The following NEK9 variants were observed in gnomAD, a reference collection of about 807,000 sequenced individuals.
The protein encoded by NEK9 is NIMA related kinase 9.
In NEK9, 75 loss-of-function variants were observed where a neutral mutation model predicts 123.4. The observed-to-expected ratio is 0.61, with a 90% CI of 0.50 to 0.74. NEK9 has a LOEUF of 0.74. Ranked by LOEUF, NEK9 falls within the 30% of genes least tolerant of loss-of-function variation. NEK9 has a pLI of 0.00. For missense variants in NEK9, 952 were observed against 1,214.4 expected (o/e 0.78, Z 3.21); for synonymous variants, 438 against 458.7 (o/e 0.95, Z 0.58).
chr14:75,105,890 T>C (rs1251230466), intron 13 of NEK9, 60 bp downstream of exon 13: 4 of 1,279,694 alleles, frequency 3.1e-6, no homozygotes, highest in African/African-American at 2.9e-5. Context: ...AAAGAGGACA[T>C]ATTATTGGAG....
intron 10 of NEK9, among the ~76,000 whole-genome samples, chr14:75,109,352 C>T (rs894069783): frequency 2.0e-5 from 3 of 152,186 alleles, no homozygotes; most frequent in African/African-American, 7.2e-5. Context: ...TTGCTCTGAA[C>T]CTCATGGTAA....
chr14:75,083,543 C>T lies in NEK9; in HGVS notation c.*1021G>A, dbSNP rs1344562798. On this transcript the variant is annotated 3_prime_UTR_variant, in exon 22 of 22. Transcript: ENST00000238616. ...GTTACCACATGGCTTCATAAAACAC[C>T]AAAAGGGGAAAAATACTGACTAGAC... 1 of 153,634 alleles carries T rather than the reference C, an allele frequency of 6.5e-6. No individual in the cohort carries two copies. The highest frequency in any genetic ancestry group is 2.4e-5 in the African/African-American group (1 of 41,432). The allele number at this position is 153,634 out of a possible 1,614,324, so 9.5% of individuals were successfully genotyped here.
Position 75,097,275 on chromosome 14 carries a change from GA to G in NEK9, c.2003-6del. On this transcript the variant is annotated splice_region_variant and splice_polypyrimidine_tract_variant and intron_variant, in intron 16 of 21. Transcript: ENST00000238616. ...CCCAGGCAAAAATGTGATTATCTAG[GA>G]AAAAAGTTAAACAGTAGACCATTTA... 6.3e-7 allele frequency: 1 copy of G among 1,588,640 alleles called. No individual in the cohort carries two copies. The highest frequency in any genetic ancestry group is 8.6e-7 in the Non-Finnish European group (1 of 1,168,266).
Position 75,113,323 on chromosome 14 carries a change from C to A in NEK9, c.938+16G>T. ...TATCTCAGAAAAGACAATGGAGTGA[C>A]TTCTTCATAATTTACCTCCTGCGTT... On this transcript the variant is annotated intron_variant, in intron 8 of 21. Transcript: ENST00000238616. 6.2e-7 allele frequency: 1 copy of A among 1,600,872 alleles called. No individual in the cohort carries two copies. Among genetic ancestry groups the A allele is most frequent in the East Asian group, 2.2e-5 (1 of 44,796 alleles).
chr14:75,114,570 G>T (rs573365352), intron 6 of NEK9, among the ~76,000 whole-genome samples: 1 of 152,232 alleles, frequency 6.6e-6, no homozygotes, highest in Non-Finnish European at 1.5e-5. Flanking sequence ...ATTATAATCT[G>T]ACCTTTCAAC....
Position 75,101,642 on chromosome 14 carries a change from T to C in NEK9, c.1840+15A>G, listed in dbSNP as rs1222412081. 1 of 1,571,788 alleles carries C rather than the reference T, an allele frequency of 6.4e-7. No individual in the cohort carries two copies. The highest frequency in any genetic ancestry group is 1.1e-5 in the South Asian group (1 of 90,060). On this transcript the variant is annotated intron_variant, in intron 15 of 21. Transcript: ENST00000238616. The stretch of plus-strand genomic sequence containing the variant: ...CAGCTACTAAGGCATGTGATACAGT[T>C]GTAAATCAACTTACCATCAATAGCA...
At chr14:75,113,853 A>G (rs954731690) in intron 7 of NEK9, among the ~76,000 whole-genome samples, 2 of 152,188 alleles carry the variant, frequency 1.3e-5, no homozygotes, top group African/African-American at 4.8e-5. Context: ...GGGAACCATG[A>G]GATATGAGAA....
intron 8 of NEK9, among the ~76,000 whole-genome samples, chr14:75,112,728 G>C (rs1288784162): frequency 6.6e-6 from 1 of 152,156 alleles, no homozygotes; most frequent in African/African-American, 2.4e-5. Context: ...AGGCTGAGGT[G>C]TGAGAATCAC....
chr14:75,094,784 AAAAT>A (rs1441351757), intron 18 of NEK9, among the ~76,000 whole-genome samples: 1 of 152,224 alleles, frequency 6.6e-6, no homozygotes, highest in Admixed American at 6.5e-5. Context: ...TGCCTCAAAA[AAAAT>A]AAATAAATAA....
intron 5 of NEK9, 134 bp from the exon 6 acceptor site, chr14:75,117,460 GT>G (rs960371330): frequency 1.2e-5 from 11 of 947,542 alleles, no homozygotes; most frequent in Non-Finnish European, 1.7e-5. Flanking sequence ...TTCCAAAATG[GT>G]TTTTATGAGA....
rs1566635520 is a variant in NEK9, at chr14:75,082,893, G to A, written c.*1671C>T. ...TTGCAACTTTAATCAAAGTTTGGCT[G>A]CTTCCCTTATTTCAAGAAAAGGTTT... On this transcript the variant is annotated 3_prime_UTR_variant, in exon 22 of 22. Transcript: ENST00000238616. 2 of 398,380 alleles carry A rather than the reference G, an allele frequency of 5.0e-6. No individual in the cohort carries two copies. Among genetic ancestry groups the A allele is most frequent in the Non-Finnish European group, 8.8e-6 (2 of 226,038 alleles). 24.7% of individuals were successfully genotyped at this position (398,380 alleles called of 1,614,324 possible).
chr14:75,114,213 C>T lies in NEK9; in HGVS notation c.863G>A (p.Cys288Tyr). ...SLELIQMVHS[C>Y]LDQDPEQRPT... Reference sequence around the variant, plus strand: ...TTAAGTCACACCTACCTGGTCAAGGCACGAATGAACCATTTGGATCAATTC... The same window carrying T: ...TTAAGTCACACCTACCTGGTCAAGGTACGAATGAACCATTTGGATCAATTC... Residue 288 changes from cysteine to tyrosine, a missense_variant, in exon 7 of 22, where the codon TGC (cysteine) becomes TAC (tyrosine). Transcript: ENST00000238616. 1.2e-6 allele frequency: 2 copies of T among 1,612,476 alleles called. No individual in the cohort carries two copies. Among genetic ancestry groups the T allele is most frequent in the Non-Finnish European group, 1.7e-6 (2 of 1,178,488 alleles).
chr14:75,105,834 C>A, intron 13 of NEK9, 116 bp downstream of exon 13: 1 of 795,980 alleles, frequency 1.3e-6, no homozygotes, highest in Non-Finnish European at 2.0e-6. Flanking sequence ...GTCTCCCAAA[C>A]AGGAAACACT....
chr14:75,117,353 ATAACTTCTTT>A, intron 5 of NEK9, 27 bp from the exon 6 acceptor site: 1 of 1,587,440 alleles, frequency 6.3e-7, no homozygotes, highest in East Asian at 2.3e-5. Context: ...CAATCAAAGA[ATAACTTCTTT>A]TCTGAGGTAA....
chr14:75,095,398 T>C lies in NEK9; in HGVS notation c.2207A>G (p.Asn736Ser), dbSNP rs751095212. ...AGTTCCAATGGATAAGCCACTGCTA[T>C]TGGAACGGATGGTCTTAGAATTCAA... is the stretch of plus-strand genomic sequence containing the variant. ...KVLNSKTIRS[N>S]SSGLSIGTVF... The change falls in exon 18 of 22, where the codon AAT becomes AGT. Residue 736 changes from asparagine (N) to serine (S), a missense_variant. Coordinates refer to ENST00000238616, the MANE Select transcript of NEK9 (RefSeq NM_033116.6). 1.2e-6 allele frequency: 2 copies of C among 1,613,578 alleles called. No individual in the cohort carries two copies. Among genetic ancestry groups the C allele is most frequent in the African/African-American group, 1.3e-5 (1 of 75,030 alleles).
rs191300787 is a variant in NEK9, at chr14:75,111,579, G to T, written c.939-1208C>A. On this transcript the variant is annotated intron_variant, in intron 8 of 21. Coordinates refer to ENST00000238616, the MANE Select transcript of NEK9 (RefSeq NM_033116.6). Reference sequence around the variant, plus strand: ...TCATGCCTACACTCAAGAAATAAGAGATTAAAATAGTGACTTAAAATAGTG... The same window carrying T: ...TCATGCCTACACTCAAGAAATAAGATATTAAAATAGTGACTTAAAATAGTG... 4.2e-4 allele frequency among the ~76,000 whole-genome samples: 64 copies of T among 152,284 alleles called. 2 individuals are homozygous for T. The East Asian group carries it at 0.011, about 27-fold the overall frequency.
At chr14:75,109,121 A>G (rs1465196776) in intron 10 of NEK9, among the ~76,000 whole-genome samples, 1 of 152,204 alleles carries the variant, frequency 6.6e-6, no homozygotes, top group Non-Finnish European at 1.5e-5. Context: ...GCAGAGATGG[A>G]AGCTGCATTG....
chr14:75,112,651 C>T (rs1290058854), intron 8 of NEK9, among the ~76,000 whole-genome samples: 2 of 152,034 alleles, frequency 1.3e-5, no homozygotes, highest in East Asian at 1.9e-4. Flanking sequence ...AGTGAGACCC[C>T]GTCTCTATAA....
rs574464957 is a variant in NEK9 at position 75,086,090 on chromosome 14, G to A, written c.2817+928C>T. Reference sequence around the variant, plus strand: ...TATAGTCCCAGCTACTCGGGAGGCTGAGGCAGAAGAATCACTTGAACCCGG... The same window carrying A: ...TATAGTCCCAGCTACTCGGGAGGCTAAGGCAGAAGAATCACTTGAACCCGG... On this transcript the variant is annotated intron_variant, in intron 21 of 21. Coordinates refer to ENST00000238616, the MANE Select transcript of NEK9 (RefSeq NM_033116.6). 4.2e-4 allele frequency among the ~76,000 whole-genome samples: 64 copies of A among 152,016 alleles called. 1 individual carries two copies. In the South Asian group the frequency reaches 0.012, roughly 30 times the overall value.
Sources: allele counts gnomAD v4.1 joint callset (sites outside exome capture counted in the v4.1 genomes callset), GRCh38; gene constraint gnomAD v4.1.1; transcripts MANE v1.5; gene names NCBI Gene and HGNC (gene_info 2026-07-23, HGNC 2026-07-21).